The following PCDH15 variants were observed in gnomAD, a reference collection of about 807,000 sequenced individuals.
PCDH15 encodes the protein protocadherin-15.
In PCDH15, 129 loss-of-function variants were observed where a neutral mutation model predicts 178.5. The observed-to-expected ratio is 0.72, with a 90% CI of 0.63 to 0.84. PCDH15 has a LOEUF of 0.84. Among genes scored for constraint, PCDH15 ranks in the 40% least tolerant of loss-of-function variants. The probability of loss-of-function intolerance (pLI) is 0.00; values close to 1 mark genes in which losing one functional copy is unlikely to be tolerated. For missense variants in PCDH15, 2,230 were observed against 2,099.9 expected (o/e 1.06, Z -1.21); for synonymous variants, 800 against 732.0 (o/e 1.09, Z -1.50).
chr10:55,009,250 A>ATG (rs5785109), intron 2 of PCDH15, among the ~76,000 whole-genome samples: 3,711 of 148,972 alleles, frequency 0.025, 116 homozygotes, highest in African/African-American at 0.075. Flanking sequence ...GCACGCACAG[A>ATG]TGTGTGTGTG....
At chr10:55,027,043 G>T (rs1564729084) in intron 2 of PCDH15, among the ~76,000 whole-genome samples, 1 of 151,922 alleles carries the variant, frequency 6.6e-6, no homozygotes, top group Non-Finnish European at 1.5e-5. Flanking sequence ...GATGGGATAG[G>T]AGTATGTGAA....
chr10:54,948,466 T>C (rs1838246961), intron 2 of PCDH15, among the ~76,000 whole-genome samples: 1 of 151,992 alleles, frequency 6.6e-6, no homozygotes, highest in Non-Finnish European at 1.5e-5. Flanking sequence ...CCAGGACAGC[T>C]AATGAGACAT....
chr10:55,336,362 G>A (rs1255541978), intron 2 of PCDH15, among the ~76,000 whole-genome samples: 3 of 152,022 alleles, frequency 2.0e-5, no homozygotes, highest in Non-Finnish European at 4.4e-5. Context: ...CCTGGGCATG[G>A]TGGTGCCCAC....
chr10:54,343,053 G>A (rs2134107918), intron 6 of PCDH15, among the ~76,000 whole-genome samples: 1 of 152,240 alleles, frequency 6.6e-6, no homozygotes, highest in East Asian at 1.9e-4. Flanking sequence ...TTGGACTTTT[G>A]AGTTAATGCT....
intron 2 of PCDH15, among the ~76,000 whole-genome samples, chr10:54,952,411 A>G (rs1838367791): frequency 6.6e-6 from 1 of 151,764 alleles, no homozygotes; most frequent in Non-Finnish European, 1.5e-5. Flanking sequence ...GTGTAGCTTT[A>G]TAATACACCT....
chr10:55,487,839 T>C (rs1336955954), intron 2 of PCDH15, among the ~76,000 whole-genome samples: 2 of 151,642 alleles, frequency 1.3e-5, no homozygotes, highest in Non-Finnish European at 3.0e-5. Flanking sequence ...CACATTGTAA[T>C]TTTAATTATG....
At chr10:55,174,514 A>G (rs1034015512) in intron 1 of PCDH15, among the ~76,000 whole-genome samples, 6 of 152,112 alleles carry the variant, frequency 3.9e-5, no homozygotes, top group African/African-American at 1.4e-4. Flanking sequence ...TGAGATGGCC[A>G]AAGTGTCCAA....
At chr10:54,608,588 G>A (rs1292791407) in intron 2 of PCDH15, among the ~76,000 whole-genome samples, 1 of 151,980 alleles carries the variant, frequency 6.6e-6, no homozygotes, top group Non-Finnish European at 1.5e-5. Context: ...TCCAGCCTGG[G>A]TGACAGAGAC....
intron 1 of PCDH15, among the ~76,000 whole-genome samples, chr10:54,696,596 T>A (rs1263364281): frequency 6.6e-6 from 1 of 151,992 alleles, no homozygotes; most frequent in Non-Finnish European, 1.5e-5. Flanking sequence ...AAATCTTTCA[T>A]GAAAGAAGAA....
chr10:54,782,315 C>T (rs1380797380), intron 1 of PCDH15, among the ~76,000 whole-genome samples: 1 of 152,054 alleles, frequency 6.6e-6, no homozygotes, highest in Non-Finnish European at 1.5e-5. Flanking sequence ...CTGTGGTTCA[C>T]TTAAAACTCT....
chr10:54,242,013 G>A (rs2055358521), intron 8 of PCDH15, among the ~76,000 whole-genome samples: 1 of 149,708 alleles, frequency 6.7e-6, no homozygotes, highest in Admixed American at 6.7e-5. Context: ...CAGAACTGTT[G>A]TATTATTCTG....
intron 2 of PCDH15, among the ~76,000 whole-genome samples, chr10:55,068,426 A>G (rs1419320837): frequency 1.3e-5 from 2 of 151,936 alleles, no homozygotes; most frequent in Non-Finnish European, 2.9e-5. Context: ...TGTAGATTTC[A>G]TTTTGTGTTA....
intron 2 of PCDH15, among the ~76,000 whole-genome samples, chr10:54,967,850 C>A (rs1278518394): frequency 1.3e-5 from 2 of 152,122 alleles, no homozygotes; most frequent in South Asian, 4.1e-4. Flanking sequence ...GGACAGTTAT[C>A]TTTTTGCTGT....
At chr10:54,946,099 G>A (rs2131869013) in intron 2 of PCDH15, among the ~76,000 whole-genome samples, 1 of 151,636 alleles carries the variant, frequency 6.6e-6, no homozygotes, top group Non-Finnish European at 1.5e-5. Flanking sequence ...GGACTATTTT[G>A]GTCAGATTAG....
intron 2 of PCDH15, among the ~76,000 whole-genome samples, chr10:55,544,781 G>C (rs1289628383): frequency 1.3e-5 from 2 of 152,032 alleles, no homozygotes; most frequent in Non-Finnish European, 2.9e-5. Context: ...CACATATGCA[G>C]ACACACACAG....
intron 14 of PCDH15, among the ~76,000 whole-genome samples, chr10:54,141,729 C>T (rs1474781345): frequency 2.0e-5 from 3 of 152,076 alleles, no homozygotes; most frequent in Non-Finnish European, 4.4e-5. Context: ...TGATCCAAAT[C>T]CATTTATCTC....
At chr10:55,016,189 C>A (rs12569390) in intron 2 of PCDH15, among the ~76,000 whole-genome samples, 2 of 150,248 alleles carry the variant, frequency 1.3e-5, no homozygotes, top group East Asian at 2.0e-4. Context: ...GCATACAATG[C>A]GTAATAATCA....
chr10:54,891,652 T>C (rs918124205), intron 3 of PCDH15, among the ~76,000 whole-genome samples: 3 of 152,168 alleles, frequency 2.0e-5, no homozygotes, highest in Non-Finnish European at 4.4e-5. Context: ...CTTTGTAGTT[T>C]ATTATTGTCA....
intron 2 of PCDH15, among the ~76,000 whole-genome samples, chr10:55,034,076 G>GA (rs34250260): frequency 0.069 from 9,944 of 144,946 alleles, 452 homozygotes; most frequent in African/African-American, 0.13. Flanking sequence ...AGAACTCTGA[G>GA]AAAAAAAAAA....
Sources: gnomAD v4.1 joint callset for allele counts (sites outside exome capture counted in the v4.1 genomes callset) on GRCh38, gnomAD v4.1.1 for gene constraint, MANE v1.5 for transcripts, NCBI Gene and HGNC (gene_info 2026-07-23, HGNC 2026-07-21) for gene names.